Variants in ERGIC1 observed in about 807,000 individuals in gnomAD.
The protein encoded by ERGIC1 is endoplasmic reticulum-golgi intermediate compartment 1.
Under a neutral mutation model 38.3 loss-of-function variants are expected in ERGIC1, and 19 were observed. That is an observed-to-expected ratio of 0.50 (90% CI 0.35 to 0.73). ERGIC1 has a LOEUF of 0.73. Among genes scored for constraint, ERGIC1 ranks in the 30% least tolerant of loss-of-function variants. The probability of loss-of-function intolerance (pLI) is 0.01; values close to 1 mark genes in which losing one functional copy is unlikely to be tolerated. For missense variants in ERGIC1, 294 were observed against 389.2 expected (o/e 0.76, Z 2.06); for synonymous variants, 124 against 157.6 (o/e 0.79, Z 1.60).
At position 172,874,260 on chromosome 5, in the gene ERGIC1, T is replaced by C. The variant is rs190145294; in HGVS notation, c.21-14439T>C. ...CGCCTGGCTACTTTTTTTGTATTTTTAGTAGAGACGGGGTTTTACCGTGTT... is the reference window on the plus strand; with the variant it reads ...CGCCTGGCTACTTTTTTTGTATTTTCAGTAGAGACGGGGTTTTACCGTGTT... On this transcript the variant is annotated intron_variant, in intron 1 of 9. Coordinates refer to ENST00000393784, the MANE Select transcript of ERGIC1 (RefSeq NM_001031711.3). 7.1e-3 allele frequency among the ~76,000 whole-genome samples: 1,075 copies of C among 152,144 alleles called. 10 individuals carry two copies. Among genetic ancestry groups the C allele is most frequent in the African/African-American group, 0.025 (1,035 of 41,522 alleles).
intron 1 of ERGIC1, among the ~76,000 whole-genome samples, chr5:172,869,203 A>G (rs112919991): frequency 0.012 from 1,806 of 152,204 alleles, 38 homozygotes; most frequent in African/African-American, 0.041. Flanking sequence ...GGGGAGGAGG[A>G]AGGAGGAGGT....
chr5:172,890,722 C>T (rs1413080062), intron 2 of ERGIC1, among the ~76,000 whole-genome samples: 4 of 152,186 alleles, frequency 2.6e-5, no homozygotes, highest in East Asian at 1.9e-4. Context: ...GGTGGGCCTC[C>T]TTGCACCCCA....
chr5:172,840,369 G>T (rs1304232668), intron 1 of ERGIC1, among the ~76,000 whole-genome samples: 1 of 152,184 alleles, frequency 6.6e-6, no homozygotes, highest in Non-Finnish European at 1.5e-5. Context: ...GTTACTCCTA[G>T]CCAGTTTTTG....
chr5:172,938,814 A>G (rs1202330440), intron 9 of ERGIC1, among the ~76,000 whole-genome samples: 1 of 152,046 alleles, frequency 6.6e-6, no homozygotes, highest in Non-Finnish European at 1.5e-5. Flanking sequence ...CTGTAATCCC[A>G]ACACTTTGGG....
intron 9 of ERGIC1, chr5:172,935,737 G>A (rs868760544): frequency 8.9e-5 from 15 of 167,728 alleles, no homozygotes; most frequent in African/African-American, 2.2e-4. Context: ...GATAGGGTCC[G>A]ATTTTTCCCT....
At chr5:172,913,198 C>T (rs1284766454) in intron 4 of ERGIC1, among the ~76,000 whole-genome samples, 1 of 152,268 alleles carries the variant, frequency 6.6e-6, no homozygotes, top group Non-Finnish European at 1.5e-5. Context: ...GCCTCCTCCA[C>T]GCACCTGCAT....
rs778536514 is a variant in ERGIC1, at chr5:172,950,981, C to T, written c.*165C>T. The T allele has an allele frequency of 1.2e-4, 64 of 545,168 alleles. No individual in the cohort carries two copies. Among genetic ancestry groups the T allele is most frequent in the Non-Finnish European group, 1.8e-4 (56 of 315,552 alleles). 33.8% of individuals were successfully genotyped at this position (545,168 alleles called of 1,614,324 possible). A position where few individuals can be genotyped will look rare whatever the true frequency, so the allele number is the denominator to read the frequency against. The stretch of plus-strand genomic sequence containing the variant: ...ATGGCTCGATGTTTTGCAGCTACCT[C>T]TTTTCCCCGTGTTTCTTTTTAGACA... On this transcript the variant is annotated 3_prime_UTR_variant, in exon 10 of 10. Transcript: ENST00000393784.
chr5:172,867,235 C>T (rs1761889456), intron 1 of ERGIC1: 1 of 453,700 alleles, frequency 2.2e-6, no homozygotes, highest in Non-Finnish European at 4.4e-6. Context: ...TCCCTCCTGG[C>T]ATCACTGACA....
At chr5:172,910,071 G>A (rs528731040) in intron 4 of ERGIC1, among the ~76,000 whole-genome samples, 1 of 152,276 alleles carries the variant, frequency 6.6e-6, no homozygotes, top group Admixed American at 6.5e-5. Flanking sequence ...TTGTTGAGGG[G>A]AGGAAGCTGT....
chr5:172,918,341 G>T (rs1763424293), intron 5 of ERGIC1: 1 of 152,192 alleles, frequency 6.6e-6, no homozygotes, highest in African/African-American at 2.4e-5. Flanking sequence ...TAAAACGTAG[G>T]TATCATTAGA....
At chr5:172,920,435 A>C (rs755665519) in intron 5 of ERGIC1, 94 of 717,626 alleles carry the variant, frequency 1.3e-4, no homozygotes, top group Admixed American at 3.4e-4. Context: ...CAGAGACCCC[A>C]CGGTGACCTC....
chr5:172,899,256 C>T (rs1177825932), intron 3 of ERGIC1, among the ~76,000 whole-genome samples: 1 of 148,468 alleles, frequency 6.7e-6, no homozygotes, highest in Non-Finnish European at 1.5e-5. Context: ...GTAGAGCAGG[C>T]AGGACGGAGA....
chr5:172,865,446 C>T (rs1433194763), intron 1 of ERGIC1, among the ~76,000 whole-genome samples: 1 of 152,194 alleles, frequency 6.6e-6, no homozygotes, highest in Non-Finnish European at 1.5e-5. Flanking sequence ...GGTTTTCTTT[C>T]TTTCTAAATG....
chr5:172,921,499 G>A (rs1030448544), intron 5 of ERGIC1: 2 of 151,626 alleles, frequency 1.3e-5, no homozygotes, highest in African/African-American at 4.9e-5. Flanking sequence ...ATTCCTGCAG[G>A]AAGTCCCCAA....
chr5:172,941,238 C>A (rs893123683), intron 9 of ERGIC1, among the ~76,000 whole-genome samples: 1 of 151,418 alleles, frequency 6.6e-6, no homozygotes, highest in African/African-American at 2.4e-5. Context: ...TGCACTCCAG[C>A]TCTGTCTCAA....
Position 172,924,020 on chromosome 5 carries a change from C to T in ERGIC1, c.391C>T (p.His131Tyr). 1 of 1,614,194 alleles carries T rather than the reference C, an allele frequency of 6.2e-7. No individual in the cohort carries two copies. Among genetic ancestry groups the T allele is most frequent in the Non-Finnish European group, 8.5e-7 (1 of 1,180,040 alleles). The change falls in exon 6 of 10, where the codon CAC becomes TAC. Residue 131 changes from histidine to tyrosine, a missense_variant. By Grantham distance (83) the His-to-Tyr change is moderately conservative. This residue lies in a region of ERGIC1 where 163 missense variants were observed against 225.8 expected (regional missense o/e 0.72). Transcript: ENST00000393784. ...FSINKVPGNF[H>Y]VSTHSATAQP... Reference sequence around the variant, plus strand: ...TCTCCCCCAGGTCCCCGGCAACTTCCACGTGTCCACACACAGTGCCACAGC... The same window carrying T: ...TCTCCCCCAGGTCCCCGGCAACTTCTACGTGTCCACACACAGTGCCACAGC...
intron 1 of ERGIC1, among the ~76,000 whole-genome samples, chr5:172,843,500 T>C (rs1262040686): frequency 6.6e-6 from 1 of 152,252 alleles, no homozygotes; most frequent in African/African-American, 2.4e-5. Flanking sequence ...CATATAGAAT[T>C]ACCTAAAGTA....
intron 1 of ERGIC1, among the ~76,000 whole-genome samples, chr5:172,849,292 T>C (rs1761347600): frequency 6.6e-6 from 1 of 152,178 alleles, no homozygotes; most frequent in Non-Finnish European, 1.5e-5. Flanking sequence ...CTGGCCAGTT[T>C]CCCTAATCAC....
At chr5:172,876,841 G>C (rs1762149059) in intron 1 of ERGIC1, among the ~76,000 whole-genome samples, 1 of 152,072 alleles carries the variant, frequency 6.6e-6, no homozygotes, top group South Asian at 2.1e-4. Flanking sequence ...TAGTTTGCCT[G>C]CCATTCAGCA....
Sources: gnomAD v4.1 joint callset for allele counts (sites outside exome capture counted in the v4.1 genomes callset) on GRCh38, gnomAD v4.1.1 for gene constraint, gnomAD v4.1.1 regional missense constraint, MANE v1.5 for transcripts, NCBI Gene and HGNC (gene_info 2026-07-23, HGNC 2026-07-21) for gene names.